RTN4: variants seen among roughly 807,000 people sequenced by gnomAD.
RTN4 encodes reticulon 4, also known as reticulon-4.
In RTN4, 32 loss-of-function variants were observed where a neutral mutation model predicts 90.4. The ratio of observed to expected loss-of-function variants is 0.35; its 90% CI spans 0.27 to 0.48. The LOEUF (loss-of-function observed/expected upper bound fraction) is 0.48. Ranked by LOEUF, RTN4 falls within the 20% of genes least tolerant of loss-of-function variation. The pLI, the probability that RTN4 is intolerant of heterozygous loss-of-function variation, is 0.99. For missense variants in RTN4, 1,706 were observed against 1,430.2 expected, an observed-to-expected ratio of 1.19 and a Z score of -3.11; for synonymous variants, 629 against 552.5, an observed-to-expected ratio of 1.14 and a Z score of -1.94.
intron 3 of RTN4, among the ~76,000 whole-genome samples, chr2:55,016,622 A>G (rs1273653675): frequency 6.6e-6 from 1 of 152,114 alleles, no homozygotes; most frequent in Admixed American, 6.6e-5. Flanking sequence ...CATTGAAAGT[A>G]GACTAGAATA....
At chr2:55,082,364 T>C (rs1181750475) in intron 1 of RTN4, among the ~76,000 whole-genome samples, 1 of 152,168 alleles carries the variant, frequency 6.6e-6, no homozygotes, top group Non-Finnish European at 1.5e-5. Context: ...CATATATCTC[T>C]CAAAAGCCAG....
chr2:55,105,728 G>C (rs947032642), intron 1 of RTN4, among the ~76,000 whole-genome samples: 3 of 152,006 alleles, frequency 2.0e-5, no homozygotes, highest in African/African-American at 4.8e-5. Flanking sequence ...CAGAACTTTG[G>C]GAGGGGAAGG....
chr2:55,026,331 G>A lies in RTN4; in HGVS notation c.1768C>T (p.Leu590Phe), dbSNP rs769445601. Residue 590 changes from leucine to phenylalanine, a missense_variant, in exon 3 of 9, where the codon CTC becomes TTC. By Grantham distance (22) the Leu-to-Phe change is conservative (BLOSUM62 0). Coordinates refer to ENST00000337526, the MANE Select transcript of RTN4 (RefSeq NM_020532.5). Reference sequence around the variant, plus strand: ...GGGCAAAGCTGTGCTGCAGGATAGAGTGACTCTTGCATAACTTCTGATGTT... The same window carrying A: ...GGGCAAAGCTGTGCTGCAGGATAGAATGACTCTTGCATAACTTCTGATGTT... ...VQTSEVMQES[L>F]YPAAQLCPSF... 16 of 1,613,850 alleles carry A rather than the reference G, an allele frequency of 9.9e-6. No homozygotes were observed. Among genetic ancestry groups the A allele is most frequent in the African/African-American group, 8.0e-5 (6 of 74,918 alleles).
chr2:55,032,870 A>C (rs1264577515), intron 1 of RTN4, among the ~76,000 whole-genome samples: 1 of 151,978 alleles, frequency 6.6e-6, no homozygotes, highest in Non-Finnish European at 1.5e-5. Context: ...CTCTACAAAA[A>C]ACTTAAAAAT....
intron 5 of RTN4, among the ~76,000 whole-genome samples, chr2:54,976,777 T>C (rs1677670276): frequency 6.6e-6 from 1 of 152,166 alleles, no homozygotes; most frequent in Non-Finnish European, 1.5e-5. Flanking sequence ...CAATAAACAC[T>C]TTAAAGAAGC....
intron 2 of RTN4, among the ~76,000 whole-genome samples, chr2:55,058,130 T>C (rs1270060374): frequency 6.6e-6 from 1 of 152,178 alleles, no homozygotes; most frequent in Non-Finnish European, 1.5e-5. Context: ...TGATTCATGA[T>C]CTACAAGGGA....
the RTN4 span, among the ~76,000 whole-genome samples, chr2:55,118,610 A>G: frequency 3.3e-5 from 5 of 152,142 alleles, no homozygotes; most frequent in African/African-American, 1.2e-4. Context: ...ACTCACACAC[A>G]TGCACAAACT....
chr2:54,995,281 T>C (rs970233927), intron 3 of RTN4, among the ~76,000 whole-genome samples: 2 of 151,976 alleles, frequency 1.3e-5, no homozygotes, highest in African/African-American at 4.8e-5. Flanking sequence ...AAAACACTTC[T>C]ACTATTAAAC....
intron 1 of RTN4, among the ~76,000 whole-genome samples, chr2:55,111,370 C>A (rs1485175325): frequency 1.3e-5 from 2 of 152,158 alleles, no homozygotes; most frequent in African/African-American, 4.8e-5. Context: ...TCAACAGAAA[C>A]AACGAAATAT....
chr2:55,089,330 A>G (rs1668896572), intron 1 of RTN4, among the ~76,000 whole-genome samples: 1 of 152,236 alleles, frequency 6.6e-6, no homozygotes, highest in South Asian at 2.1e-4. Flanking sequence ...CAGTACAAGT[A>G]TAGCCAATGT....
At chr2:55,000,348 C>G in intron 3 of RTN4, among the ~76,000 whole-genome samples, 1 of 152,044 alleles carries the variant, frequency 6.6e-6, no homozygotes, top group Middle Eastern at 3.4e-3. Context: ...TAAACAGATA[C>G]GTGCAAAATT....
chr2:54,973,722 T>C (rs951533122), intron 7 of RTN4, 99 bp downstream of exon 7: 1 of 1,499,926 alleles, frequency 6.7e-7, no homozygotes, highest in African/African-American at 1.4e-5. Flanking sequence ...ACACTTCTCA[T>C]TTTTGTAAGA....
chr2:55,077,350 T>C (rs1484416230), intron 2 of RTN4, among the ~76,000 whole-genome samples: 2 of 152,080 alleles, frequency 1.3e-5, no homozygotes, highest in African/African-American at 2.4e-5. Flanking sequence ...AACGGACTAA[T>C]ATACTACTTA....
Position 55,026,812 on chromosome 2 carries a change from A to G in RTN4, c.1287T>C (p.Leu429=), listed in dbSNP as rs1681921627. 6.2e-7 allele frequency: 1 copy of G among 1,613,940 alleles called. No individual in the cohort carries two copies. Among genetic ancestry groups the G allele is most frequent in the Non-Finnish European group, 8.5e-7 (1 of 1,179,886 alleles). The change falls in exon 3 of 9, where the codon CTT becomes CTC. Residue 429 remains leucine (L), a synonymous_variant. Coordinates refer to ENST00000337526, the MANE Select transcript of RTN4 (RefSeq NM_020532.5). ...KVDKKCFADS[L]EQTNHEKDSE... The stretch of plus-strand genomic sequence containing the variant: ...TATCTTTTTCGTGATTAGTTTGCTC[A>G]AGGCTATCTGCAAAACATTTTTTAT...
chr2:55,103,599 A>T (rs958089910), intron 1 of RTN4, among the ~76,000 whole-genome samples: 1 of 152,030 alleles, frequency 6.6e-6, no homozygotes, highest in African/African-American at 2.4e-5. Context: ...GTATATACTT[A>T]TCCTTAAACC....
intron 5 of RTN4, among the ~76,000 whole-genome samples, chr2:54,975,220 C>G (rs1015312067): frequency 1.3e-5 from 2 of 152,170 alleles, no homozygotes; most frequent in Non-Finnish European, 2.9e-5. Context: ...GAGTACTTAT[C>G]AGGGAAATTA....
At chr2:55,122,315 T>C in the RTN4 span, among the ~76,000 whole-genome samples, 1 of 152,288 alleles carries the variant, frequency 6.6e-6, no homozygotes, top group African/African-American at 2.4e-5. Context: ...TCCTGATTTT[T>C]ACAGGTTCCC....
At chr2:55,069,464 T>C (rs571388153) in intron 2 of RTN4, among the ~76,000 whole-genome samples, 1 of 152,336 alleles carries the variant, frequency 6.6e-6, no homozygotes, top group Admixed American at 6.5e-5. Flanking sequence ...ACTGAAAATA[T>C]CTGCATGGCC....
chr2:54,980,480 A>ATTT (rs549038101), intron 5 of RTN4, among the ~76,000 whole-genome samples: 1 of 152,236 alleles, frequency 6.6e-6, no homozygotes, highest in African/African-American at 2.4e-5. Context: ...TCCCAGATCA[A>ATTT]TTTTAAAAAT....
Sources: gnomAD v4.1 joint callset for allele counts (sites outside exome capture counted in the v4.1 genomes callset) on GRCh38, gnomAD v4.1.1 for gene constraint, MANE v1.5 for transcripts, NCBI Gene and HGNC (gene_info 2026-07-23, HGNC 2026-07-21) for gene names.